SLC14A2: variants seen among roughly 807,000 people sequenced by gnomAD.
SLC14A2 encodes urea transporter 2.
SLC14A2 carries 91 observed loss-of-function variants against 104.6 expected under a neutral mutation model. That is an observed-to-expected ratio of 0.87 (90% confidence interval 0.73 to 1.04). The LOEUF (loss-of-function observed/expected upper bound fraction) is 1.04. Among genes scored for constraint, SLC14A2 ranks in the 50% least tolerant of loss-of-function variants. The pLI is 0.00. For missense variants in SLC14A2, 1,189 were observed against 1,156.0 expected, an observed-to-expected ratio of 1.03 and a Z score of -0.41; for synonymous variants, 476 against 466.4, an observed-to-expected ratio of 1.02 and a Z score of -0.27.
chr18:45,306,094 T>G (rs1328830849), intron 1 of SLC14A2, among the ~76,000 whole-genome samples: 1 of 152,168 alleles, frequency 6.6e-6, no homozygotes, highest in African/African-American at 2.4e-5. Flanking sequence ...GCGTCTTCCT[T>G]TCCGTCTACT....
At chr18:45,485,934 A>G (rs1331162249) in intron 2 of SLC14A2, among the ~76,000 whole-genome samples, 4 of 152,112 alleles carry the variant, frequency 2.6e-5, no homozygotes, top group Non-Finnish European at 5.9e-5. Flanking sequence ...GTGATGACAC[A>G]AGTTTAATTT....
intron 1 of SLC14A2, among the ~76,000 whole-genome samples, chr18:45,362,052 G>A (rs551401765): frequency 2.6e-5 from 4 of 152,282 alleles, no homozygotes; most frequent in African/African-American, 9.6e-5. Context: ...TTGGATTATG[G>A]GGGCAATTGC....
At chr18:45,239,859 A>G (rs1010014710) in intron 1 of SLC14A2, among the ~76,000 whole-genome samples, 3 of 152,218 alleles carry the variant, frequency 2.0e-5, no homozygotes, top group Non-Finnish European at 4.4e-5. Context: ...TATAGAGTGA[A>G]TGAATGAATC....
At chr18:45,420,760 G>A (rs186422619) in intron 1 of SLC14A2, among the ~76,000 whole-genome samples, 1 of 127,872 alleles carries the variant, frequency 7.8e-6, no homozygotes, top group Admixed American at 8.0e-5. Context: ...TTTTTTTTTT[G>A]AGACGGAGTC....
the SLC14A2 span, among the ~76,000 whole-genome samples, chr18:45,183,818 A>C: frequency 6.7e-6 from 1 of 150,280 alleles, no homozygotes; most frequent in African/African-American, 2.5e-5. Flanking sequence ...TCACTGCAGC[A>C]TCCAACTCCT....
chr18:45,664,926 G>C (rs1396426302), intron 11 of SLC14A2, among the ~76,000 whole-genome samples: 1 of 152,148 alleles, frequency 6.6e-6, no homozygotes, highest in Non-Finnish European at 1.5e-5. Context: ...TCAGGATAGG[G>C]GCTGTGGTTG....
At chr18:45,272,038 T>TA (rs2084656697) in intron 1 of SLC14A2, among the ~76,000 whole-genome samples, 1 of 151,872 alleles carries the variant, frequency 6.6e-6, no homozygotes. Context: ...ACCAAAAACA[T>TA]ACACTAGGGA....
At chr18:45,669,770 G>T (rs2046098589) in intron 16 of SLC14A2, among the ~76,000 whole-genome samples, 1 of 152,214 alleles carries the variant, frequency 6.6e-6, no homozygotes, top group Admixed American at 6.5e-5. Context: ...TTAGGGAGGA[G>T]CAAAGTCAAG....
rs75930466 is a variant in SLC14A2 at position 45,373,783 on chromosome 18, A to G, written c.-124-109450A>G. ...ATCACATACCAGCTCAGCACAGGGCAAGTATGTAAATCCTCTATGCTTCGG... is the reference window on the plus strand; with the variant it reads ...ATCACATACCAGCTCAGCACAGGGCGAGTATGTAAATCCTCTATGCTTCGG... On this transcript the variant is annotated intron_variant, in intron 1 of 20. Coordinates refer to the SLC14A2 transcript ENST00000586448. Among the ~76,000 whole-genome samples, 19 of 152,342 alleles carry G rather than the reference A, an allele frequency of 1.2e-4. No homozygotes were observed. In the East Asian group the frequency reaches 3.5e-3, roughly 28 times the overall value.
intron 2 of SLC14A2, among the ~76,000 whole-genome samples, chr18:45,565,913 C>T (rs941868739): frequency 6.6e-6 from 1 of 152,228 alleles, no homozygotes; most frequent in African/African-American, 2.4e-5. Flanking sequence ...TTTACGCTGA[C>T]ACCTCAGCTC....
chr18:45,466,894 A>G (rs562650334), intron 1 of SLC14A2, among the ~76,000 whole-genome samples: 317 of 152,220 alleles, frequency 2.1e-3, no homozygotes, highest in Non-Finnish European at 3.9e-3. Context: ...CCACCTAGAC[A>G]GATGGGCACA....
chr18:45,675,709 A>ATT (rs71177687), intron 18 of SLC14A2, among the ~76,000 whole-genome samples: 12 of 78,386 alleles, frequency 1.5e-4, no homozygotes, highest in East Asian at 5.2e-4. Context: ...ATATATATAT[A>ATT]TTTTTTTTTT....
At chr18:45,594,031 T>G in intron 2 of SLC14A2, among the ~76,000 whole-genome samples, 1 of 152,206 alleles carries the variant, frequency 6.6e-6, no homozygotes, top group African/African-American at 2.4e-5. Flanking sequence ...CCAGAGTTTC[T>G]CAACCAGTGA....
At chr18:45,576,642 G>A (rs2044422847) in intron 2 of SLC14A2, among the ~76,000 whole-genome samples, 2 of 151,994 alleles carry the variant, frequency 1.3e-5, no homozygotes, top group South Asian at 4.2e-4. Flanking sequence ...AACAGCAGGG[G>A]CTCCTTGCCT....
At chr18:45,659,471 C>A (rs1047561574) in intron 10 of SLC14A2, among the ~76,000 whole-genome samples, 1 of 152,348 alleles carries the variant, frequency 6.6e-6, no homozygotes, top group South Asian at 2.1e-4. Flanking sequence ...AAATAAACCA[C>A]AGGGAGCCAG....
chr18:45,537,651 G>T (rs572059862), intron 2 of SLC14A2, among the ~76,000 whole-genome samples: 11 of 152,208 alleles, frequency 7.2e-5, no homozygotes, highest in African/African-American at 2.4e-4. Context: ...ATTTTGTTCA[G>T]AGGAGTGTCA....
chr18:45,424,528 T>C (rs2086396431), intron 1 of SLC14A2, among the ~76,000 whole-genome samples: 1 of 152,226 alleles, frequency 6.6e-6, no homozygotes, highest in African/African-American at 2.4e-5. Flanking sequence ...GCTTCACTTC[T>C]CCAGGAGCAA....
At chr18:45,402,817 A>C (rs2086111084) in intron 1 of SLC14A2, among the ~76,000 whole-genome samples, 1 of 152,240 alleles carries the variant, frequency 6.6e-6, no homozygotes, top group African/African-American at 2.4e-5. Flanking sequence ...CTGTAGCAAG[A>C]CTTAATCATC....
intron 10 of SLC14A2, among the ~76,000 whole-genome samples, chr18:45,652,714 C>T (rs1182926549): frequency 1.3e-5 from 2 of 151,796 alleles, no homozygotes; most frequent in African/African-American, 4.8e-5. Context: ...ACAAATTGAT[C>T]TCTTGAAGAG....
Sources: gnomAD v4.1 joint callset for allele counts (sites outside exome capture counted in the v4.1 genomes callset) on GRCh38, gnomAD v4.1.1 for gene constraint, MANE v1.5 for transcripts, NCBI Gene and HGNC (gene_info 2026-07-23, HGNC 2026-07-21) for gene names.